ST6GALNAC3: variants seen among roughly 807,000 people sequenced by gnomAD.
The protein encoded by ST6GALNAC3 is ST6 N-acetylgalactosaminide alpha-2,6-sialyltransferase 3.
Under a neutral mutation model 32.7 loss-of-function variants are expected in ST6GALNAC3, and 25 were observed. That is an observed-to-expected ratio of 0.76 (90% confidence interval 0.56 to 1.07). ST6GALNAC3 has a LOEUF of 1.07. ST6GALNAC3 is among the 50% of genes least tolerant of loss of function. The probability of loss-of-function intolerance (pLI) is 0.00; values close to 1 mark genes in which losing one functional copy is unlikely to be tolerated. For missense variants in ST6GALNAC3, 355 were observed against 382.4 expected, an observed-to-expected ratio of 0.93 and a Z score of 0.60; for synonymous variants, 129 against 133.1, an observed-to-expected ratio of 0.97 and a Z score of 0.21.
At chr1:76,250,660 T>C (rs555703708) in intron 1 of ST6GALNAC3, among the ~76,000 whole-genome samples, 7 of 152,224 alleles carry the variant, frequency 4.6e-5, no homozygotes, top group African/African-American at 1.7e-4. Context: ...TAACTGGCTC[T>C]CTCTCTCTCT....
chr1:76,488,913 C>T (rs1024313756), intron 3 of ST6GALNAC3, among the ~76,000 whole-genome samples: 9 of 152,184 alleles, frequency 5.9e-5, no homozygotes, highest in Non-Finnish European at 8.8e-5. Flanking sequence ...AGGGCAAGCT[C>T]CACTCATAGA....
intron 3 of ST6GALNAC3, among the ~76,000 whole-genome samples, chr1:76,555,931 T>G (rs1049053333): frequency 1.3e-5 from 2 of 152,066 alleles, no homozygotes; most frequent in African/African-American, 4.8e-5. Context: ...TGATACTGTG[T>G]TTTTTAGTGT....
intron 3 of ST6GALNAC3, among the ~76,000 whole-genome samples, chr1:76,544,056 T>C (rs1481829929): frequency 1.4e-5 from 2 of 144,738 alleles, no homozygotes; most frequent in African/African-American, 5.1e-5. Flanking sequence ...GTGGGGGAGA[T>C]AGTCATCATT....
intron 1 of ST6GALNAC3, among the ~76,000 whole-genome samples, chr1:76,266,156 A>G (rs1317273530): frequency 1.3e-5 from 2 of 152,202 alleles, no homozygotes; most frequent in African/African-American, 4.8e-5. Flanking sequence ...AATTCACCGT[A>G]TGTTATTGGG....
intron 1 of ST6GALNAC3, among the ~76,000 whole-genome samples, chr1:76,268,587 G>T (rs922459001): frequency 1.3e-4 from 20 of 152,228 alleles, no homozygotes; most frequent in African/African-American, 4.3e-4. Context: ...TCTCAGAGCT[G>T]AGGTACTTAT....
chr1:76,170,680 A>G (rs1652431958), intron 1 of ST6GALNAC3, among the ~76,000 whole-genome samples: 1 of 152,096 alleles, frequency 6.6e-6, no homozygotes, highest in Admixed American at 6.5e-5. Context: ...TTAATTTACA[A>G]ATGGAGTTTT....
downstream of ST6GALNAC3, among the ~76,000 whole-genome samples, chr1:76,635,063 T>G (rs1649471361): frequency 6.6e-6 from 1 of 152,226 alleles, no homozygotes; most frequent in East Asian, 1.9e-4. Flanking sequence ...TGGAATTTGT[T>G]TTGTCCATAT....
At chr1:76,277,389 G>A (rs916472219) in intron 1 of ST6GALNAC3, among the ~76,000 whole-genome samples, 8 of 151,698 alleles carry the variant, frequency 5.3e-5, no homozygotes, top group Non-Finnish European at 1.2e-4. Context: ...ATGCATATAT[G>A]TAAATTTGGT....
chr1:76,534,980 A>G (rs1210562711), intron 3 of ST6GALNAC3, among the ~76,000 whole-genome samples: 1 of 152,170 alleles, frequency 6.6e-6, no homozygotes, highest in Admixed American at 6.5e-5. Context: ...TATTTCTCAT[A>G]TCCTTTTCCA....
chr1:76,171,640 A>G (rs1652506278), intron 1 of ST6GALNAC3, among the ~76,000 whole-genome samples: 1 of 152,114 alleles, frequency 6.6e-6, no homozygotes. Flanking sequence ...ACAAACTGCC[A>G]TCAGAGAATA....
intron 2 of ST6GALNAC3, among the ~76,000 whole-genome samples, chr1:76,387,394 G>A (rs945543140): frequency 6.6e-6 from 1 of 152,006 alleles, no homozygotes; most frequent in Non-Finnish European, 1.5e-5. Context: ...TCCAAAATTT[G>A]TTATATTTTA....
rs76200239 is a variant in ST6GALNAC3 at position 76,620,153 on chromosome 1, T to G, written c.624-7299T>G. Among the ~76,000 whole-genome samples the G allele has an allele frequency of 5.0e-3, 756 of 151,926 alleles. 9 individuals are homozygous for G. Among genetic ancestry groups the G allele is most frequent in the African/African-American group, 0.017 (707 of 41,432 alleles). ...AAGTACTCAACACATCTTTCTTGAG[T>G]GGATGAGAGTAAACGGAATTGCAGC... On this transcript the variant is annotated intron_variant, in intron 3 of 4. Transcript: ENST00000328299.
chr1:76,626,166 GCATC>G (rs971631368), intron 3 of ST6GALNAC3, among the ~76,000 whole-genome samples: 2 of 151,858 alleles, frequency 1.3e-5, no homozygotes, highest in African/African-American at 4.8e-5. Flanking sequence ...ACTGGGATGT[GCATC>G]AACAATATTG....
rs553725884 is a variant in ST6GALNAC3 at position 76,546,720 on chromosome 1, T to G, written c.624-80732T>G. ...CCAGGAGGCACAGTGGTTGGCAAAT[T>G]AAATTCAGGCCAGCCATGCAGTCTG... is the stretch of plus-strand genomic sequence containing the variant. On this transcript the variant is annotated intron_variant, in intron 3 of 4. Transcript: ENST00000328299. 5.3e-5 allele frequency among the ~76,000 whole-genome samples: 8 copies of G among 152,242 alleles called. No homozygotes were observed. The East Asian group carries it at 1.5e-3, about 29-fold the overall frequency.
chr1:76,443,360 A>G (rs1656749932), intron 3 of ST6GALNAC3, among the ~76,000 whole-genome samples: 1 of 152,184 alleles, frequency 6.6e-6, no homozygotes, highest in Non-Finnish European at 1.5e-5. Flanking sequence ...ATCTTGGCCA[A>G]ACCAAAGCCA....
intron 3 of ST6GALNAC3, among the ~76,000 whole-genome samples, chr1:76,544,772 G>A (rs535203993): frequency 1.2e-4 from 19 of 152,240 alleles, no homozygotes; most frequent in African/African-American, 3.4e-4. Flanking sequence ...AGTTATCAGC[G>A]TATCGATGGT....
rs3079480 is a variant in ST6GALNAC3, at chr1:76,327,275, CGTGTGT to C, written c.213+13311_213+13316del. Among the ~76,000 whole-genome samples the C allele has an allele frequency of 9.4e-3, 1,310 of 138,746 alleles. 11 individuals carry two copies. Among genetic ancestry groups the C allele is most frequent in the African/African-American group, 0.026 (1,010 of 38,558 alleles). The allele number at this position is 138,746 out of a possible 152,430, so 91.0% of individuals were successfully genotyped here. A position where few individuals can be genotyped will look rare whatever the true frequency, so the allele number is the denominator to read the frequency against. On this transcript the variant is annotated intron_variant, in intron 2 of 4. Transcript: ENST00000328299. ...CCAACAGGATGTGTATGTATATATG[CGTGTGT>C]GTGTGTGTGTGTGTGTGTGTGTGTG...
chr1:76,381,484 A>G (rs978318659), intron 2 of ST6GALNAC3, among the ~76,000 whole-genome samples: 4 of 152,324 alleles, frequency 2.6e-5, no homozygotes, highest in Non-Finnish European at 4.4e-5. Flanking sequence ...TGCTATTTTT[A>G]TACATCATTT....
At chr1:76,466,859 A>G (rs1390239071) in intron 3 of ST6GALNAC3, among the ~76,000 whole-genome samples, 1 of 152,126 alleles carries the variant, frequency 6.6e-6, no homozygotes, top group Non-Finnish European at 1.5e-5. Flanking sequence ...TATTGCATAT[A>G]GATAAGAAGC....
Sources: gnomAD v4.1 joint callset for allele counts (sites outside exome capture counted in the v4.1 genomes callset) on GRCh38, gnomAD v4.1.1 for gene constraint, MANE v1.5 for transcripts, NCBI Gene and HGNC (gene_info 2026-07-23, HGNC 2026-07-21) for gene names.